DAB1: variants seen among roughly 807,000 people sequenced by gnomAD.
DAB1 encodes the protein disabled homolog 1.
In DAB1, 15 loss-of-function variants were observed where a neutral mutation model predicts 64.6. The observed-to-expected ratio is 0.23, with a 90% CI of 0.16 to 0.36. The LOEUF is 0.36. Among genes scored for constraint, DAB1 ranks in the 10% least tolerant of loss-of-function variants. The probability of loss-of-function intolerance (pLI) is 1.00; values close to 1 mark genes in which losing one functional copy is unlikely to be tolerated. For synonymous variants in DAB1, 235 were observed against 251.9 expected, an observed-to-expected ratio of 0.93 and a Z score of 0.64; for missense variants, 596 against 706.7, an observed-to-expected ratio of 0.84 and a Z score of 1.78.
intron 1 of DAB1, among the ~76,000 whole-genome samples, chr1:57,352,917 G>A (rs1452755729): frequency 6.6e-6 from 1 of 152,014 alleles, no homozygotes; most frequent in Non-Finnish European, 1.5e-5. Context: ...CCAAACAAGA[G>A]AGAATCAAAC....
chr1:57,275,002 G>A (rs1168273757), intron 2 of DAB1, among the ~76,000 whole-genome samples: 1 of 151,836 alleles, frequency 6.6e-6, no homozygotes, highest in Non-Finnish European at 1.5e-5. Context: ...GAACTAATAT[G>A]TAAGCAAGGT....
intron 5 of DAB1, among the ~76,000 whole-genome samples, chr1:57,896,702 C>T (rs987189539): frequency 1.3e-5 from 2 of 152,092 alleles, no homozygotes; most frequent in Non-Finnish European, 2.9e-5. Context: ...CGGTAACCTT[C>T]CTCATGGAAT....
rs373956527 is a variant in DAB1, at chr1:58,469,869, A to G, written n.257+36191T>C. Among the ~76,000 whole-genome samples the G allele has an allele frequency of 1.8e-3, 276 of 152,258 alleles. 3 individuals carry two copies. In the South Asian group the frequency reaches 0.053, roughly 29 times the overall value. On this transcript the variant is annotated intron_variant and non_coding_transcript_variant, in intron 3 of 20. Transcript: ENST00000485760. The stretch of plus-strand genomic sequence containing the variant: ...GGTAGGAGGAAGGGAGGACTTAGAG[A>G]ATTTTTAAAAATAAATAATAATACT...
intron 11 of DAB1, among the ~76,000 whole-genome samples, chr1:57,018,401 T>C (rs1401541799): frequency 1.3e-5 from 2 of 152,226 alleles, no homozygotes; most frequent in African/African-American, 4.8e-5. Context: ...CGCCTGAGTA[T>C]TTCCTTATTT....
intron 4 of DAB1, among the ~76,000 whole-genome samples, chr1:58,217,694 A>C (rs1046773941): frequency 6.6e-6 from 1 of 152,222 alleles, no homozygotes; most frequent in Non-Finnish European, 1.5e-5. Flanking sequence ...ACTAAGATAC[A>C]GGCCACACAC....
intron 1 of DAB1, among the ~76,000 whole-genome samples, chr1:57,844,736 AAGAG>A (rs1407686456): frequency 5.3e-5 from 8 of 152,102 alleles, no homozygotes; most frequent in Non-Finnish European, 2.9e-5. Flanking sequence ...AAGGGACAGG[AAGAG>A]AGAGATACTG....
At chr1:57,225,545 CT>C (rs1359042224) in intron 2 of DAB1, among the ~76,000 whole-genome samples, 1 of 152,142 alleles carries the variant, frequency 6.6e-6, no homozygotes, top group African/African-American at 2.4e-5. Context: ...CTCAATACAG[CT>C]TTTTTGAGGA....
intron 1 of DAB1, among the ~76,000 whole-genome samples, chr1:57,369,033 G>A (rs552845725): frequency 1.3e-5 from 2 of 152,300 alleles, no homozygotes; most frequent in Admixed American, 6.5e-5. Flanking sequence ...CCATTGTGGT[G>A]CCAGAAAATG....
Position 57,699,837 on chromosome 1 carries a change from C to T in DAB1, n.552-50172G>A, listed in dbSNP as rs372689907. Reference sequence around the variant, plus strand: ...CTGAGGCAGGAGAATCACTTGATCCCGGGAGGCGGAGGTTGCAGTGAGCTG... The same window carrying T: ...CTGAGGCAGGAGAATCACTTGATCCTGGGAGGCGGAGGTTGCAGTGAGCTG... On this transcript the variant is annotated intron_variant and non_coding_transcript_variant, in intron 6 of 20. Coordinates refer to the DAB1 transcript ENST00000485760. Among the ~76,000 whole-genome samples, 22 of 152,154 alleles carry T rather than the reference C, an allele frequency of 1.4e-4. No individual in the cohort carries two copies. In the East Asian group the frequency reaches 2.7e-3, roughly 19 times the overall value.
chr1:58,432,869 T>G (rs74076241), intron 3 of DAB1, among the ~76,000 whole-genome samples: 10,268 of 151,956 alleles, frequency 0.068, 473 homozygotes, highest in African/African-American at 0.14. Context: ...ATGGCTGGAG[T>G]TCCTGCTCTG....
rs772989513 is a variant in DAB1 at position 57,207,446 on chromosome 1, C to CTTTTTTTTT, written c.68-62026_68-62018dup. ...CTGTAATTCATACCTTATTTCCTTTCTTTTTTTTTTTTTTTGAGATGGAGT... is the reference window on the plus strand; with the variant it reads ...CTGTAATTCATACCTTATTTCCTTTCTTTTTTTTTTTTTTTTTTTTTTTTGAGATGGAGT... On this transcript the variant is annotated intron_variant, in intron 2 of 14. Coordinates refer to ENST00000371236, the MANE Select transcript of DAB1 (RefSeq NM_001365792.1). Among the ~76,000 whole-genome samples, 35 of 98,454 alleles carry CTTTTTTTTT rather than the reference C, an allele frequency of 3.6e-4. 3 individuals are homozygous for CTTTTTTTTT. The East Asian group carries it at 4.0e-3, about 11-fold the overall frequency. The allele number at this position is 98,454 out of a possible 152,430, so 64.6% of individuals were successfully genotyped here.
At chr1:57,477,527 A>G (rs1460613870) in intron 7 of DAB1, among the ~76,000 whole-genome samples, 1 of 152,168 alleles carries the variant, frequency 6.6e-6, no homozygotes, top group Non-Finnish European at 1.5e-5. Flanking sequence ...ATGCAGTCAG[A>G]TATCACTTGA....
intron 7 of DAB1, among the ~76,000 whole-genome samples, chr1:57,582,924 A>G (rs1558514251): frequency 1.3e-5 from 2 of 152,198 alleles, no homozygotes; most frequent in African/African-American, 4.8e-5. Flanking sequence ...TTGAGACAAA[A>G]TGGGGCTTCA....
intron 7 of DAB1, among the ~76,000 whole-genome samples, chr1:57,453,626 C>CA (rs1372047854): frequency 6.6e-6 from 1 of 151,864 alleles, no homozygotes; most frequent in Non-Finnish European, 1.5e-5. Context: ...AAAAATATAA[C>CA]AAAAAAATAG....
chr1:57,006,814 T>A (rs1175089066), intron 14 of DAB1, among the ~76,000 whole-genome samples: 2 of 152,204 alleles, frequency 1.3e-5, no homozygotes, highest in South Asian at 4.1e-4. Context: ...CTTTCAAAGC[T>A]TATAAAACAC....
At chr1:57,952,039 C>G (rs1388242693) in intron 5 of DAB1, among the ~76,000 whole-genome samples, 1 of 152,154 alleles carries the variant, frequency 6.6e-6, no homozygotes, top group Non-Finnish European at 1.5e-5. Context: ...ATTCTTTCTT[C>G]CTTTTACTAA....
At chr1:57,464,929 C>T (rs1232914392) in intron 7 of DAB1, among the ~76,000 whole-genome samples, 1 of 150,272 alleles carries the variant, frequency 6.7e-6, no homozygotes, top group African/African-American at 2.5e-5. Context: ...CCAGAGATAA[C>T]AAAGGCGTTT....
intron 1 of DAB1, among the ~76,000 whole-genome samples, chr1:57,345,213 C>A (rs898030501): frequency 6.6e-6 from 1 of 152,162 alleles, no homozygotes; most frequent in Non-Finnish European, 1.5e-5. Context: ...GGGGACCTGC[C>A]CCCTATCGTG....
At chr1:57,676,752 C>T (rs1199913478) in intron 6 of DAB1, among the ~76,000 whole-genome samples, 1 of 152,164 alleles carries the variant, frequency 6.6e-6, no homozygotes, top group Non-Finnish European at 1.5e-5. Flanking sequence ...ATATGCCATG[C>T]CTTTCAATGG....
Sources: gnomAD v4.1 joint callset for allele counts (sites outside exome capture counted in the v4.1 genomes callset) on GRCh38, gnomAD v4.1.1 for gene constraint, MANE v1.5 for transcripts, NCBI Gene and HGNC (gene_info 2026-07-23, HGNC 2026-07-21) for gene names.